Variants in TMEM175 observed in about 807,000 individuals in gnomAD.
TMEM175 encodes the protein transmembrane protein 175.
TMEM175 carries 36 observed loss-of-function variants against 36.5 expected under a neutral mutation model. The ratio of observed to expected loss-of-function variants is 0.99; its 90% CI spans 0.76 to 1.30. TMEM175 has a LOEUF of 1.30. Ranked by LOEUF, TMEM175 falls within the 50% of genes most tolerant of loss-of-function variation. The pLI, the probability that TMEM175 is intolerant of heterozygous loss-of-function variation, is 0.00. For synonymous variants in TMEM175, 339 were observed against 313.4 expected (o/e 1.08, Z -0.86); for missense variants, 705 against 692.8 (o/e 1.02, Z -0.20).
chr4:957,972 T>C lies in TMEM175; in HGVS notation c.991T>C (p.Phe331Leu), dbSNP rs1449419932. 2 of 1,612,922 alleles carry C rather than the reference T, an allele frequency of 1.2e-6. No homozygotes were observed. The highest frequency in any genetic ancestry group is 1.7e-5 in the Admixed American group (1 of 60,022). Residue 331 changes from phenylalanine (F) to leucine (L), a missense_variant, in exon 11 of 11, where the codon TTC becomes CTC. By Grantham distance (22) the Phe-to-Leu change is conservative. Coordinates refer to ENST00000264771, the MANE Select transcript of TMEM175 (RefSeq NM_032326.4). ...GCTGTGGTTCGCCCACCACTCACTC[T>C]TCCTGCATGTGCGCAAGGCCACGCG... ...GLLWFAHHSL[F>L]LHVRKATRAM...
intron 10 of TMEM175, 30 bp from the exon 11 acceptor site, chr4:957,794 G>A (rs375683826): frequency 2.4e-5 from 38 of 1,566,052 alleles, no homozygotes; most frequent in Middle Eastern, 1.7e-4. Context: ...CGGCAAGGCC[G>A]GCACAAATGC....
chr4:944,141 A>T (rs1317046408), intron 1 of TMEM175, among the ~76,000 whole-genome samples: 1 of 152,134 alleles, frequency 6.6e-6, no homozygotes, highest in East Asian at 1.9e-4. Flanking sequence ...AAAAATACAA[A>T]AATTAGCCAG....
At position 947,721 on chromosome 4, in the gene TMEM175, G is replaced by T. The variant is rs765404994; in HGVS notation, c.-19G>T. 19 of 1,586,934 alleles carry T rather than the reference G, an allele frequency of 1.2e-5. No homozygotes were observed. In the African/African-American group the frequency reaches 2.1e-4, roughly 18 times the overall value. On this transcript the variant is annotated 5_prime_UTR_variant, in exon 2 of 11. Coordinates refer to ENST00000264771, the MANE Select transcript of TMEM175 (RefSeq NM_032326.4). ...CCTTTCCTCCCAGGCTCCTGTAACC[G>T]CCAGGCAGCGGCCCCGCCATGTCCC...
chr4:941,166 A>G (rs1037814095), intron 1 of TMEM175, among the ~76,000 whole-genome samples: 18 of 150,814 alleles, frequency 1.2e-4, no homozygotes, highest in Admixed American at 7.9e-4. Context: ...TTACGAGGTC[A>G]GGAGTTCAAG....
intron 6 of TMEM175, 81 bp from the exon 7 acceptor site, chr4:952,286 G>A: frequency 8.6e-6 from 11 of 1,273,972 alleles, no homozygotes; most frequent in Non-Finnish European, 1.2e-5. Context: ...GAGTGGGGAG[G>A]CTCACCATGG....
Position 958,393 on chromosome 4 carries a change from C to A in TMEM175, c.1412C>A (p.Ala471Asp). The stretch of plus-strand genomic sequence containing the variant: ...CGCCTGCTCGTGGGCCTGGCCCTGG[C>A]CACCCTGCGGGTCCTGCGGGGCCTC... The part of the protein sequence containing the change: ...LLRLLVGLAL[A>D]TLRVLRGLAR... Residue 471 changes from alanine to aspartate, a missense_variant, in exon 11 of 11, where the codon GCC becomes GAC. Transcript: ENST00000264771. The A allele has an allele frequency of 6.2e-7, 1 of 1,601,564 alleles. No homozygotes were observed. Among genetic ancestry groups the A allele is most frequent in the Non-Finnish European group, 8.5e-7 (1 of 1,179,620 alleles).
At position 939,260 on chromosome 4, in the gene TMEM175, A is replaced by G. The variant is rs185749875; in HGVS notation, c.-32+6720A>G. Among the ~76,000 whole-genome samples the G allele has an allele frequency of 5.3e-5, 8 of 152,354 alleles. No individual in the cohort carries two copies. The East Asian group carries it at 1.3e-3, about 26-fold the overall frequency. On this transcript the variant is annotated intron_variant, in intron 1 of 10. Coordinates refer to ENST00000264771, the MANE Select transcript of TMEM175 (RefSeq NM_032326.4). Reference sequence around the variant, plus strand: ...TAATTGTTTCAACAAATGATACTGGAAAAATTGGATATTCACGTGTTTAGA... The same window carrying G: ...TAATTGTTTCAACAAATGATACTGGGAAAATTGGATATTCACGTGTTTAGA...
In TMEM175 at chr4:932,486, C is replaced by G. The variant is rs1227481997; in HGVS notation, c.-86C>G. The G allele has an allele frequency of 1.0e-5, 5 of 480,900 alleles. No homozygotes were observed. Among genetic ancestry groups the G allele is most frequent in the South Asian group, 4.3e-5 (1 of 23,470 alleles). The allele number at this position is 480,900 out of a possible 1,614,324, so 29.8% of individuals were successfully genotyped here. A position where few individuals can be genotyped will look rare whatever the true frequency, so the allele number is the denominator to read the frequency against. On this transcript the variant is annotated 5_prime_UTR_variant, in exon 1 of 11. Coordinates refer to ENST00000264771, the MANE Select transcript of TMEM175 (RefSeq NM_032326.4). This position sits in a 1 kb window ranked among gnomAD's most constrained non-coding sequence, Gnocchi z 4.0. ...AACTTCCGGCTGTCAAGCTCCCGGCCGGGCTGACTCAAGCGGAGGCGCGCG... is the reference window on the plus strand; with the variant it reads ...AACTTCCGGCTGTCAAGCTCCCGGCGGGGCTGACTCAAGCGGAGGCGCGCG...
intron 4 of TMEM175, 138 bp from the exon 5 acceptor site, chr4:951,069 A>C (rs1728831958): frequency 1.2e-6 from 1 of 855,976 alleles, no homozygotes; most frequent in African/African-American, 1.7e-5. Flanking sequence ...AACTCCGTGC[A>C]CTAGGTAGTA....
In TMEM175 at chr4:948,872, C is replaced by G. The variant is rs6813110; in HGVS notation, c.192+718C>G. On this transcript the variant is annotated intron_variant, in intron 3 of 10. Transcript: ENST00000264771. ...CTCGTGAGCTGAGCCTGGGGGACGC[C>G]GAGAAGTCATGGGAGCTGCTTAGAG... Among the ~76,000 whole-genome samples the G allele has an allele frequency of 6.0e-3, 917 of 152,100 alleles. 13 individuals are homozygous for G. The highest frequency in any genetic ancestry group is 0.021 in the African/African-American group (875 of 41,490).
intron 1 of TMEM175, among the ~76,000 whole-genome samples, chr4:935,946 T>G (rs1188523884): frequency 6.6e-6 from 1 of 152,218 alleles, no homozygotes; most frequent in Non-Finnish European, 1.5e-5. Flanking sequence ...AATTAGAAAG[T>G]ATTTTGAACA....
At chr4:947,180 G>C (rs899219357) in intron 1 of TMEM175, among the ~76,000 whole-genome samples, 1 of 147,260 alleles carries the variant, frequency 6.8e-6, no homozygotes, top group Admixed American at 6.7e-5. Context: ...CACAGGTGCC[G>C]AGACTGAGGG....
intron 1 of TMEM175, among the ~76,000 whole-genome samples, chr4:937,653 G>A (rs764697446): frequency 2.0e-5 from 3 of 152,114 alleles, no homozygotes; most frequent in African/African-American, 7.2e-5. Flanking sequence ...ATACAAACTC[G>A]GAAAGTTGAA....
At chr4:956,290 C>T in intron 10 of TMEM175, 1 of 1,283,454 alleles carries the variant, frequency 7.8e-7, no homozygotes, top group Non-Finnish European at 1.0e-6. Context: ...CTCCGGCTCC[C>T]TCCCAGTGCC....
chr4:947,156 C>T (rs1239935356), intron 1 of TMEM175, among the ~76,000 whole-genome samples: 1 of 147,212 alleles, frequency 6.8e-6, no homozygotes, highest in Non-Finnish European at 1.5e-5. Context: ...AGGAGACAGC[C>T]CCAGGCATAC....
At chr4:942,449 G>C (rs999038844) in intron 1 of TMEM175, among the ~76,000 whole-genome samples, 1 of 152,016 alleles carries the variant, frequency 6.6e-6, no homozygotes, top group Admixed American at 6.6e-5. Context: ...GAGTGGTCTC[G>C]GCATCCTTGT....
intron 9 of TMEM175, 103 bp downstream of exon 9, chr4:955,586 G>A (rs1291156374): frequency 4.8e-6 from 7 of 1,447,194 alleles, no homozygotes; most frequent in Middle Eastern, 2.2e-4. Flanking sequence ...GCCCGTGTGC[G>A]TGGTGGTGGC....
chr4:947,994 C>A, intron 2 of TMEM175, 102 bp downstream of exon 2: 1 of 1,609,188 alleles, frequency 6.2e-7, no homozygotes, highest in Non-Finnish European at 8.5e-7. Flanking sequence ...ATCCTTGGGT[C>A]CCCCAGCTCC....
intron 1 of TMEM175, among the ~76,000 whole-genome samples, chr4:939,351 C>T (rs1261308787): frequency 1.3e-5 from 2 of 152,140 alleles, no homozygotes; most frequent in African/African-American, 2.4e-5. Context: ...GAGGCTGAGG[C>T]GGGCAGATCA....
Sources: allele counts gnomAD v4.1 joint callset (sites outside exome capture counted in the v4.1 genomes callset), GRCh38; gene constraint gnomAD v4.1.1; non-coding constraint Gnocchi (gnomAD v3.1); transcripts MANE v1.5; gene names NCBI Gene and HGNC (gene_info 2026-07-23, HGNC 2026-07-21).